FES: variants seen among roughly 807,000 people sequenced by gnomAD.
FES encodes the protein FES proto-oncogene, tyrosine kinase.
Under a neutral mutation model 109.6 loss-of-function variants are expected in FES, and 83 were observed. The ratio of observed to expected loss-of-function variants is 0.76; its 90% CI spans 0.63 to 0.91. The LOEUF is 0.91. Among genes scored for constraint, FES ranks in the 40% least tolerant of loss-of-function variants. FES has a pLI of 0.00. For synonymous variants in FES, 458 were observed against 442.1 expected, an observed-to-expected ratio of 1.04 and a Z score of -0.45; for missense variants, 943 against 1,070.9, an observed-to-expected ratio of 0.88 and a Z score of 1.67.
rs1356340461 is a variant in FES, at chr15:90,884,854, A to G, written c.-9-183A>G. The G allele has an allele frequency of 8.4e-6, 5 of 594,158 alleles. No homozygotes were observed. In the East Asian group the frequency reaches 1.4e-4, roughly 17 times the overall value. 36.8% of individuals were successfully genotyped at this position (594,158 alleles called of 1,614,324 possible). A position where few individuals can be genotyped will look rare whatever the true frequency, so the allele number is the denominator to read the frequency against. ...AGGAGACCCTGACGCTAAGGAAGCA[A>G]TGAGGGCCAGTCCCCAGGCCAGGCT... On this transcript the variant is annotated intron_variant, in intron 1 of 18. Transcript: ENST00000328850.
intron 11 of FES, 29 bp from the exon 12 acceptor site, chr15:90,891,525 C>T: frequency 1.2e-6 from 2 of 1,612,730 alleles, no homozygotes; most frequent in Non-Finnish European, 1.7e-6. Flanking sequence ...AGAATGGAGG[C>T]TGCTGACCCC....
At position 90,889,922 on chromosome 15, in the gene FES, G is replaced by A; in HGVS notation, c.1009G>A (p.Glu337Lys). The A allele has an allele frequency of 6.2e-7, 1 of 1,613,470 alleles. No individual in the cohort carries two copies. The highest frequency in any genetic ancestry group is 8.5e-7 in the Non-Finnish European group (1 of 1,179,928). Reference sequence around the variant, plus strand: ...GGAGATGGTTACGCAGCTGCAACAGGAGCTCCGGAATGAAGAGGAGAACAC... The same window carrying A: ...GGAGATGGTTACGCAGCTGCAACAGAAGCTCCGGAATGAAGAGGAGAACAC... ...RQEMVTQLQQ[E>K]LRNEEENTHP... Residue 337 changes from glutamate to lysine, a missense_variant, in exon 8 of 19, where the codon GAG becomes AAG. Coordinates refer to ENST00000328850, the MANE Select transcript of FES (RefSeq NM_002005.4). This position sits in a 1 kb window ranked among gnomAD's most constrained non-coding sequence, Gnocchi z 6.1.
At position 90,885,192 on chromosome 15, in the gene FES, C is replaced by T; in HGVS notation, c.147C>T (p.His49=). ...KSDREYAGLL[H]HMSLQDSGGQ... ...ACAGGGAGTATGCAGGACTGCTTCA[C>T]CACATGTCCCTGCAGGACAGTGGGG... is the stretch of plus-strand genomic sequence containing the variant. The change falls in exon 2 of 19, where the codon CAC becomes CAT. Residue 49 remains histidine (H), a synonymous_variant. Transcript: ENST00000328850. 1 of 1,613,822 alleles carries T rather than the reference C, an allele frequency of 6.2e-7. No homozygotes were observed. Among genetic ancestry groups the T allele is most frequent in the Non-Finnish European group, 8.5e-7 (1 of 1,180,036 alleles).
chr15:90,886,527 A>C (rs1436849123), intron 3 of FES, among the ~76,000 whole-genome samples: 3 of 152,232 alleles, frequency 2.0e-5, no homozygotes, highest in Admixed American at 6.5e-5. Flanking sequence ...GCTGTCATCT[A>C]TTCCTACTGC....
Position 90,893,639 on chromosome 15 carries a change from C to A in FES, c.2046-15C>A. The A allele has an allele frequency of 6.4e-7, 1 of 1,564,634 alleles. No homozygotes were observed. On this transcript the variant is annotated splice_polypyrimidine_tract_variant and intron_variant, in intron 16 of 18. Coordinates refer to ENST00000328850, the MANE Select transcript of FES (RefSeq NM_002005.4). ...CGACTGTTGGCCAAATGAGCCCCTG[C>A]CCTGTCTCACCCAGGGACCTGGCTG...
At position 90,886,317 on chromosome 15, in the gene FES, A is replaced by G. The variant is rs537252349; in HGVS notation, c.388-644A>G. ...TGTTTTCATATTGTCTGTGACTACA[A>G]TGACAGAGTTGAGTAATTGTGACAG... On this transcript the variant is annotated intron_variant, in intron 3 of 18. Transcript: ENST00000328850. Among the ~76,000 whole-genome samples, 5 of 152,370 alleles carry G rather than the reference A, an allele frequency of 3.3e-5. No individual in the cohort carries two copies. The South Asian group carries it at 6.2e-4, about 19-fold the overall frequency.
intron 13 of FES, 196 bp downstream of exon 13, chr15:90,892,307 G>C (rs955729847): frequency 6.2e-6 from 4 of 641,340 alleles, no homozygotes; most frequent in Non-Finnish European, 1.1e-5. Flanking sequence ...CCAGCAGACA[G>C]CTCTGCCAGC....
Position 90,890,109 on chromosome 15 carries a change from A to G in FES, c.1067A>G (p.Lys356Arg). Residue 356 changes from lysine to arginine, a missense_variant, in exon 9 of 19, where the codon AAG becomes AGG. Physicochemically the swap from Lys to Arg is conservative, Grantham distance 26. Transcript: ENST00000328850. ...HPRERVQLLGKRQVLQEALQG... is the reference protein window; with the variant it reads ...HPRERVQLLGRRQVLQEALQG... ...GCCTGCAGGGTGCAGCTGCTGGGCAAGAGGCAAGTGCTGCAAGAAGCACTG... is the reference window on the plus strand; with the variant it reads ...GCCTGCAGGGTGCAGCTGCTGGGCAGGAGGCAAGTGCTGCAAGAAGCACTG... The G allele has an allele frequency of 6.4e-7, 1 of 1,564,718 alleles. No individual in the cohort carries two copies. Among genetic ancestry groups the G allele is most frequent in the Admixed American group, 1.9e-5 (1 of 53,784 alleles).
At position 90,885,545 on chromosome 15, in the gene FES, A is replaced by T; in HGVS notation, c.347A>T (p.Tyr116Phe). The change falls in exon 3 of 19, where the codon TAC becomes TTC. Residue 116 changes from tyrosine (Y) to phenylalanine (F), a missense_variant. Transcript: ENST00000328850. ...IRERQQLRKT[Y>F]SEQWQQLQQE... Reference sequence around the variant, plus strand: ...GAACGGCAGCAGCTTCGCAAGACCTACAGCGAGCAGTGGCAGCAGCTGCAG... The same window carrying T: ...GAACGGCAGCAGCTTCGCAAGACCTTCAGCGAGCAGTGGCAGCAGCTGCAG... 6.2e-7 allele frequency: 1 copy of T among 1,613,230 alleles called. No individual in the cohort carries two copies. The highest frequency in any genetic ancestry group is 8.5e-7 in the Non-Finnish European group (1 of 1,180,006).
chr15:90,885,394 C>T lies in FES; in HGVS notation c.214-18C>T. On this transcript the variant is annotated intron_variant, in intron 2 of 18. Transcript: ENST00000328850. ...CCATTGTGCCCCCCTCCCTGCCTCC[C>T]CCATCTGTGCTGTATAGTCCTGGGC... The T allele has an allele frequency of 6.2e-7, 1 of 1,602,754 alleles. No individual in the cohort carries two copies. Among genetic ancestry groups the T allele is most frequent in the Non-Finnish European group, 8.5e-7 (1 of 1,173,804 alleles).
rs2151258828 is a variant in FES, at chr15:90,890,230, C to T, written c.1188C>T (p.Pro396=). ...TGGAGCACCTGGGCCCCGGCGAGCC[C>T]CCGCCTGTGCTGCTCCTGCAGGATG... ...TKLEHLGPGE[P]PPVLLLQDDR... Residue 396 remains proline, a synonymous_variant, in exon 9 of 19, where the codon CCC becomes CCT. Coordinates refer to ENST00000328850, the MANE Select transcript of FES (RefSeq NM_002005.4). 1 of 1,599,836 alleles carries T rather than the reference C, an allele frequency of 6.3e-7. No individual in the cohort carries two copies. Among genetic ancestry groups the T allele is most frequent in the Admixed American group, 1.7e-5 (1 of 59,856 alleles).
chr15:90,891,565 A>G lies in FES; in HGVS notation c.1542A>G (p.Arg514=). 2 of 1,613,658 alleles carry G rather than the reference A, an allele frequency of 1.2e-6. No homozygotes were observed. The highest frequency in any genetic ancestry group is 2.2e-5 in the East Asian group (1 of 44,850). ...CCCCTGCCCTGCAGAACCTGTACCG[A>G]CTGGAAGGGGAAGGCTTTCCTAGCA... is the stretch of plus-strand genomic sequence containing the variant. The part of the protein sequence containing the change: ...FIIQSLDNLY[R]LEGEGFPSIP... Residue 514 remains arginine (R), a synonymous_variant, in exon 12 of 19, where the codon CGA becomes CGG. Coordinates refer to ENST00000328850, the MANE Select transcript of FES (RefSeq NM_002005.4).
chr15:90,891,350 G>A, intron 11 of FES, 159 bp downstream of exon 11: 1 of 1,051,348 alleles, frequency 9.5e-7, no homozygotes, highest in Non-Finnish European at 1.4e-6. Context: ...CCCTGTCCCT[G>A]CAACAAAATA....
At position 90,891,629 on chromosome 15, in the gene FES, C is replaced by T. The variant is rs541066637; in HGVS notation, c.1606C>T (p.Pro536Ser). ...CGACCACCTACTGAGCACCCAGCAG[C>T]CCCTCACCAAGAAGAGTGGTGTTGT... ...LIDHLLSTQQ[P>S]LTKKSGVVLH... The change falls in exon 12 of 19, where the codon CCC becomes TCC. Residue 536 changes from proline (P) to serine (S), a missense_variant. Pro to Ser is a moderately conservative substitution (Grantham distance 74). Transcript: ENST00000328850. 539 of 1,614,048 alleles carry T rather than the reference C, an allele frequency of 3.3e-4. 11 individuals carry two copies. The South Asian group carries it at 5.5e-3, about 16-fold the overall frequency.
At chr15:90,894,981 C>CA (rs2033580775) in intron 18 of FES, among the ~76,000 whole-genome samples, 5 of 152,026 alleles carry the variant, frequency 3.3e-5, no homozygotes, top group Non-Finnish European at 4.4e-5. Flanking sequence ...GCACAAGAAT[C>CA]GCTTGAACCT....
In FES at chr15:90,891,681, G is replaced by A. The variant is rs1208599130; in HGVS notation, c.1653+5G>A. 3 of 1,613,400 alleles carry A rather than the reference G, an allele frequency of 1.9e-6. No individual in the cohort carries two copies. The highest frequency in any genetic ancestry group is 2.7e-5 in the African/African-American group (2 of 74,952). On this transcript the variant is annotated splice_donor_5th_base_variant and intron_variant, in intron 12 of 18. Coordinates refer to ENST00000328850, the MANE Select transcript of FES (RefSeq NM_002005.4). Reference sequence around the variant, plus strand: ...CTGCACAGGGCTGTGCCCAAGGTGAGCCTGCACCCAGCCTGGCCCATGCCA... The same window carrying A: ...CTGCACAGGGCTGTGCCCAAGGTGAACCTGCACCCAGCCTGGCCCATGCCA...
In FES at chr15:90,893,832, C is replaced by G. The variant is rs373236161; in HGVS notation, c.2203+21C>G. 22 of 1,596,006 alleles carry G rather than the reference C, an allele frequency of 1.4e-5. No homozygotes were observed. In the East Asian group the frequency reaches 3.1e-4, roughly 23 times the overall value. ...CTACGGTACCTAGTCCCTGTCTACC[C>G]TGGACTCCATGGCCAGAGGCCAGGC... On this transcript the variant is annotated intron_variant, in intron 17 of 18. Coordinates refer to ENST00000328850, the MANE Select transcript of FES (RefSeq NM_002005.4).
At chr15:90,894,857 A>G (rs2033567436) in intron 18 of FES, among the ~76,000 whole-genome samples, 1 of 152,222 alleles carries the variant, frequency 6.6e-6, no homozygotes, top group South Asian at 2.1e-4. Flanking sequence ...ACTTGAGTCT[A>G]GGAGTTTGAC....
rs1232424901 is a variant in FES at position 90,893,094 on chromosome 15, C to T, written c.1827-6C>T. ...CACGTAGATCCTGAGCAGCAGTGCCCTCCAGGATCCTGAAGCAGTACAGCC... is the reference window on the plus strand; with the variant it reads ...CACGTAGATCCTGAGCAGCAGTGCCTTCCAGGATCCTGAAGCAGTACAGCC... On this transcript the variant is annotated splice_polypyrimidine_tract_variant and splice_region_variant and intron_variant, in intron 14 of 18. Transcript: ENST00000328850. The T allele has an allele frequency of 6.2e-7, 1 of 1,612,536 alleles. No homozygotes were observed. The highest frequency in any genetic ancestry group is 1.1e-5 in the South Asian group (1 of 90,826).
Sources: gnomAD v4.1 joint callset for allele counts (sites outside exome capture counted in the v4.1 genomes callset) on GRCh38, gnomAD v4.1.1 for gene constraint, Gnocchi (gnomAD v3.1) non-coding constraint, MANE v1.5 for transcripts, NCBI Gene and HGNC (gene_info 2026-07-23, HGNC 2026-07-21) for gene names.